MCCC2: variants seen among roughly 807,000 people sequenced by gnomAD.
MCCC2 encodes methylcrotonoyl-CoA carboxylase beta chain, mitochondrial.
MCCC2 carries 52 observed loss-of-function variants against 77.2 expected under a neutral mutation model. The ratio of observed to expected loss-of-function variants is 0.67; its 90% confidence interval spans 0.54 to 0.85. The LOEUF (loss-of-function observed/expected upper bound fraction) is 0.85. MCCC2 is among the 40% of genes least tolerant of loss of function. The pLI, the probability that MCCC2 is intolerant of heterozygous loss-of-function variation, is 0.00. For missense variants in MCCC2, 682 were observed against 703.2 expected (o/e 0.97, Z 0.34); for synonymous variants, 253 against 248.4 (o/e 1.02, Z -0.18).
chr5:71,587,536 G>A lies in MCCC2; in HGVS notation c.111G>A (p.Leu37=). ...SVASLGTQPD[L]GSALYQENYK... is the part of the protein sequence containing the mutation. ...CCTCGCTGGGCACCCAGCCGGACTT[G>A]GGCTCTGCCCTCTACCAGGTAGGCT... The change falls in exon 1 of 17, where the codon TTG becomes TTA. Residue 37 remains leucine (L), a synonymous_variant. Transcript: ENST00000340941. The A allele has an allele frequency of 6.5e-7, 1 of 1,538,050 alleles. No homozygotes were observed. Among genetic ancestry groups the A allele is most frequent in the Non-Finnish European group, 8.7e-7 (1 of 1,146,376 alleles).
rs1413182658 is a variant in MCCC2, at chr5:71,606,084, T to C, written c.624+1616T>C. Among the ~76,000 whole-genome samples, 4 of 152,162 alleles carry C rather than the reference T, an allele frequency of 2.6e-5. No individual in the cohort carries two copies. In the South Asian group the frequency reaches 8.3e-4, roughly 32 times the overall value. On this transcript the variant is annotated intron_variant, in intron 6 of 16. Transcript: ENST00000340941. Reference sequence around the variant, plus strand: ...CTCTTTTTTGGTTCCATGTGAACTTTAAAGTAGTTTTTTCCAATTCTGTGA... The same window carrying C: ...CTCTTTTTTGGTTCCATGTGAACTTCAAAGTAGTTTTTTCCAATTCTGTGA...
chr5:71,599,528 AT>A, intron 3 of MCCC2, 130 bp from the exon 4 acceptor site: 1 of 743,654 alleles, frequency 1.3e-6, no homozygotes, highest in Non-Finnish European at 2.3e-6. Context: ...TTAAAAATAG[AT>A]TTTATATACA....
intron 10 of MCCC2, chr5:71,636,292 G>C (rs1746926278): frequency 6.2e-6 from 1 of 162,076 alleles, no homozygotes; most frequent in Admixed American, 6.4e-5. Context: ...TGAGCTTCAA[G>C]TGATACTTCA....
In MCCC2 at chr5:71,643,828, G is replaced by A. The variant is rs991211481; in HGVS notation, c.1082G>A (p.Arg361Gln). 1.2e-6 allele frequency: 2 copies of A among 1,614,034 alleles called. No homozygotes were observed. Among genetic ancestry groups the A allele is most frequent in the Non-Finnish European group, 1.7e-6 (2 of 1,179,994 alleles). The change falls in exon 12 of 17, where the codon CGA (arginine) becomes CAA (glutamine). Residue 361 changes from arginine to glutamine, a missense_variant. Transcript: ENST00000340941. Reference sequence around the variant, plus strand: ...TGAACTTTCTTTTGAGGATTTGCTCGAATATTTGGGTACCCAGTAGGTATC... The same window carrying A: ...TGAACTTTCTTTTGAGGATTTGCTCAAATATTTGGGTACCCAGTAGGTATC... ...YGDTLVTGFARIFGYPVGIVG... is the reference protein window; with the variant it reads ...YGDTLVTGFAQIFGYPVGIVG...
intron 6 of MCCC2, among the ~76,000 whole-genome samples, chr5:71,610,814 G>A (rs190869646): frequency 0.015 from 2,303 of 151,738 alleles, 39 homozygotes; most frequent in Non-Finnish European, 0.019. Context: ...GTGAAACCCC[G>A]TCTCTATTAA....
chr5:71,641,010 C>G lies in MCCC2; in HGVS notation c.1007C>G (p.Ala336Gly), dbSNP rs772507306. ...KRSFDVREVI[A>G]RIVDGSRFTE... is the part of the protein sequence containing the mutation. ...TGTTGTTTTTCCTCTTAGGTCATTG[C>G]TAGAATCGTGGATGGAAGCAGATTC... Residue 336 changes from alanine to glycine, a missense_variant, in exon 11 of 17, where the codon GCT becomes GGT. Transcript: ENST00000340941. 1.9e-6 allele frequency: 3 copies of G among 1,613,908 alleles called. No individual in the cohort carries two copies. The highest frequency in any genetic ancestry group is 2.2e-5 in the South Asian group (2 of 91,078).
At chr5:71,648,924 T>G (rs1181247234) in intron 13 of MCCC2, among the ~76,000 whole-genome samples, 173 bp from the exon 14 acceptor site, 1 of 152,272 alleles carries the variant, frequency 6.6e-6, no homozygotes, top group African/African-American at 2.4e-5. Flanking sequence ...GAAAATTTTA[T>G]TTTATCCTTT....
At position 71,643,325 on chromosome 5, in the gene MCCC2, T is replaced by C. The variant is rs1182788565; in HGVS notation, c.1073-494T>C. Among the ~76,000 whole-genome samples the C allele has an allele frequency of 2.0e-5, 3 of 152,152 alleles. No homozygotes were observed. The East Asian group carries it at 5.8e-4, about 29-fold the overall frequency. ...CACTTGAAGCCTGAGAATTTGAGGC[T>C]GCAGTGAGCCATGACTGTGCTACTG... On this transcript the variant is annotated intron_variant, in intron 11 of 16. Transcript: ENST00000340941.
chr5:71,594,326 C>T (rs956826226), intron 2 of MCCC2, among the ~76,000 whole-genome samples: 9 of 151,914 alleles, frequency 5.9e-5, no homozygotes, highest in South Asian at 2.1e-4. Flanking sequence ...GTCAGGAGTT[C>T]GAGACCAGAC....
chr5:71,624,169 A>T (rs1397316536), intron 6 of MCCC2, among the ~76,000 whole-genome samples: 1 of 152,102 alleles, frequency 6.6e-6, no homozygotes, highest in Non-Finnish European at 1.5e-5. Flanking sequence ...CACTAATCCC[A>T]TGGGGAGGGG....
chr5:71,589,499 C>G (rs927051964), intron 1 of MCCC2, among the ~76,000 whole-genome samples: 5 of 152,186 alleles, frequency 3.3e-5, no homozygotes, highest in African/African-American at 1.2e-4. Flanking sequence ...TTAAACATGC[C>G]CTTCTCATGG....
intron 1 of MCCC2, among the ~76,000 whole-genome samples, chr5:71,588,122 A>G (rs1744834522): frequency 6.6e-6 from 1 of 152,026 alleles, no homozygotes; most frequent in African/African-American, 2.4e-5. Flanking sequence ...TACAAAAATT[A>G]GCCGGGCATG....
intron 6 of MCCC2, among the ~76,000 whole-genome samples, chr5:71,610,242 C>T (rs1432526724): frequency 1.4e-4 from 21 of 152,048 alleles, no homozygotes; most frequent in East Asian, 9.7e-4. Flanking sequence ...TAGGACCCTC[C>T]GAGCCAGGTG....
intron 1 of MCCC2, among the ~76,000 whole-genome samples, chr5:71,591,669 G>A (rs1449560749): frequency 2.0e-5 from 3 of 151,734 alleles, no homozygotes; most frequent in South Asian, 2.1e-4. Flanking sequence ...ACTCCCGACC[G>A]TAGGTGATCT....
chr5:71,588,950 T>G (rs575738410), intron 1 of MCCC2, among the ~76,000 whole-genome samples: 5 of 152,108 alleles, frequency 3.3e-5, no homozygotes, highest in Non-Finnish European at 5.9e-5. Context: ...ATTAAAATAT[T>G]TAAGTAGATA....
chr5:71,606,139 G>A (rs1256633340), intron 6 of MCCC2, among the ~76,000 whole-genome samples: 3 of 151,540 alleles, frequency 2.0e-5, no homozygotes, highest in South Asian at 2.1e-4. Flanking sequence ...GATGGGGATG[G>A]CATTGAATCT....
chr5:71,652,688 C>A lies in MCCC2; in HGVS notation c.1508C>A (p.Ala503Glu), dbSNP rs750004785. 3.7e-6 allele frequency: 6 copies of A among 1,614,078 alleles called. No individual in the cohort carries two copies. The South Asian group carries it at 5.5e-5, about 15-fold the overall frequency. The stretch of plus-strand genomic sequence containing the variant: ...CTTTAGTTCTCCAGTGCTGATGAAG[C>A]GGCTTTAAAAGAGCCCATCATTAAG... ...EGKQFSSADE[A>E]ALKEPIIKKF... Residue 503 changes from alanine to glutamate, a missense_variant, in exon 16 of 17, where the codon GCG becomes GAG. Transcript: ENST00000340941.
At chr5:71,634,205 A>G (rs187966009) in intron 8 of MCCC2, among the ~76,000 whole-genome samples, 1 of 152,354 alleles carries the variant, frequency 6.6e-6, no homozygotes, top group Admixed American at 6.5e-5. Context: ...TAGTTTATCT[A>G]CATTTATCTA....
chr5:71,643,395 A>G (rs1747182192), intron 11 of MCCC2, among the ~76,000 whole-genome samples: 1 of 152,154 alleles, frequency 6.6e-6, no homozygotes, highest in African/African-American at 2.4e-5. Flanking sequence ...TCAAAAAAAA[A>G]TTCAGTTTTC....
Sources: allele counts gnomAD v4.1 joint callset (sites outside exome capture counted in the v4.1 genomes callset), GRCh38; gene constraint gnomAD v4.1.1; transcripts MANE v1.5; gene names NCBI Gene and HGNC (gene_info 2026-07-23, HGNC 2026-07-21).